The following HMGA2 variants were observed in gnomAD, a reference collection of about 807,000 sequenced individuals.
HMGA2 encodes high mobility group protein HMGI-C.
Under a neutral mutation model 19.1 loss-of-function variants are expected in HMGA2, and 8 were observed. That is an observed-to-expected ratio of 0.42 (90% CI 0.25 to 0.76). The LOEUF is 0.76. Among genes scored for constraint, HMGA2 ranks in the 30% least tolerant of loss-of-function variants. The probability of loss-of-function intolerance (pLI) is 0.28; values close to 1 mark genes in which losing one functional copy is unlikely to be tolerated. For missense variants in HMGA2, 109 were observed against 136.3 expected, an observed-to-expected ratio of 0.80 and a Z score of 1.00; for synonymous variants, 60 against 48.8, an observed-to-expected ratio of 1.23 and a Z score of -0.96.
chr12:65,851,285 A>C (rs1476740871), intron 3 of HMGA2: 1 of 156,142 alleles, frequency 6.4e-6, no homozygotes, highest in Non-Finnish European at 1.4e-5. Context: ...AGGCCGAGGC[A>C]GGTCAATCAC....
chr12:65,915,447 G>A (rs1472989750), intron 3 of HMGA2: 36 of 1,252,424 alleles, frequency 2.9e-5, no homozygotes, highest in East Asian at 7.2e-5. Flanking sequence ...AGTTACTCTC[G>A]TACAGGGATC....
At chr12:65,920,571 A>G (rs2121239733) in intron 3 of HMGA2, among the ~76,000 whole-genome samples, 1 of 152,286 alleles carries the variant, frequency 6.6e-6, no homozygotes, top group Middle Eastern at 3.4e-3. Context: ...TAACTGAATC[A>G]TGGGGGCCAG....
At chr12:65,854,663 A>G (rs989896270) in intron 3 of HMGA2, among the ~76,000 whole-genome samples, 4 of 152,200 alleles carry the variant, frequency 2.6e-5, no homozygotes, top group African/African-American at 9.7e-5. Flanking sequence ...TGCTGCATCT[A>G]TCAACCCATC....
chr12:65,937,242 C>T (rs1875928839), intron 3 of HMGA2, among the ~76,000 whole-genome samples: 1 of 152,164 alleles, frequency 6.6e-6, no homozygotes, highest in African/African-American at 2.4e-5. Context: ...GAGCCAGGGA[C>T]TTGAATACCA....
chr12:65,898,998 C>T lies in HMGA2; in HGVS notation c.250-52385C>T, dbSNP rs960692038. Among the ~76,000 whole-genome samples the T allele has an allele frequency of 3.8e-5, 5 of 131,708 alleles. No individual in the cohort carries two copies. In the South Asian group the frequency reaches 1.3e-3, roughly 33 times the overall value. 86.4% of individuals were successfully genotyped at this position (131,708 alleles called of 152,430 possible). On this transcript the variant is annotated intron_variant, in intron 3 of 4. Transcript: ENST00000403681. Reference sequence around the variant, plus strand: ...GGCTGAGCTTGCAGTAAGCGGAGATCGTGCCACGGCACTCCAGCCTGGGCA... The same window carrying T: ...GGCTGAGCTTGCAGTAAGCGGAGATTGTGCCACGGCACTCCAGCCTGGGCA...
At chr12:65,929,228 C>T (rs1424869904) in intron 3 of HMGA2, among the ~76,000 whole-genome samples, 1 of 152,070 alleles carries the variant, frequency 6.6e-6, no homozygotes, top group Non-Finnish European at 1.5e-5. Flanking sequence ...AAGACTTCCT[C>T]ATGTTTTCCA....
At chr12:65,901,963 C>T (rs1874390114) in intron 3 of HMGA2, among the ~76,000 whole-genome samples, 1 of 152,122 alleles carries the variant, frequency 6.6e-6, no homozygotes, top group Admixed American at 6.5e-5. Flanking sequence ...ATGTGAGAAC[C>T]ATAGGAATGT....
In HMGA2 at chr12:65,893,590, G is replaced by T. The variant is rs192964495; in HGVS notation, c.249+55021G>T. ...TTTGCAAACATTGTAGGGTTTCAGAGGTAGCGGCTGGTGAGAACCCTCTTG... is the reference window on the plus strand; with the variant it reads ...TTTGCAAACATTGTAGGGTTTCAGATGTAGCGGCTGGTGAGAACCCTCTTG... On this transcript the variant is annotated intron_variant, in intron 3 of 4. Coordinates refer to ENST00000403681, the MANE Select transcript of HMGA2 (RefSeq NM_003483.6). 1.8e-4 allele frequency among the ~76,000 whole-genome samples: 28 copies of T among 152,290 alleles called. 1 individual carries two copies. Among genetic ancestry groups the T allele is most frequent in the South Asian group, 1.2e-3 (6 of 4,828 alleles).
At chr12:65,886,464 A>C (rs1565721598) in intron 3 of HMGA2, among the ~76,000 whole-genome samples, 1 of 150,970 alleles carries the variant, frequency 6.6e-6, no homozygotes, top group Non-Finnish European at 1.5e-5. Context: ...GGTTCAAGCG[A>C]TTCTCCTGCC....
intron 3 of HMGA2, among the ~76,000 whole-genome samples, chr12:65,879,632 A>G (rs1873255157): frequency 6.6e-6 from 1 of 152,234 alleles, no homozygotes; most frequent in Non-Finnish European, 1.5e-5. Context: ...CTTCATTTGC[A>G]TGAACACAAA....
intron 3 of HMGA2, among the ~76,000 whole-genome samples, chr12:65,846,734 A>G (rs1459781418): frequency 2.6e-5 from 4 of 152,050 alleles, no homozygotes; most frequent in Non-Finnish European, 4.4e-5. Context: ...TGATTTTCCC[A>G]TTTGTCTAAA....
chr12:65,874,904 A>AT (rs1269396024), intron 3 of HMGA2, among the ~76,000 whole-genome samples: 2 of 152,130 alleles, frequency 1.3e-5, no homozygotes, highest in African/African-American at 4.8e-5. Flanking sequence ...CTTTCTACAG[A>AT]TTTTTCCAGA....
At chr12:65,851,060 G>A (rs1185306845) in intron 3 of HMGA2, among the ~76,000 whole-genome samples, 1 of 152,012 alleles carries the variant, frequency 6.6e-6, no homozygotes, top group East Asian at 1.9e-4. Flanking sequence ...ACGTACTTTG[G>A]GTCTTAACAT....
intron 3 of HMGA2, among the ~76,000 whole-genome samples, chr12:65,879,370 C>G (rs1873235744): frequency 6.6e-6 from 1 of 151,964 alleles, no homozygotes; most frequent in South Asian, 2.1e-4. Flanking sequence ...CTCAAGCAAT[C>G]CACCCACCTT....
At chr12:65,954,501 T>G (rs1384119963) in intron 4 of HMGA2, 2 of 152,214 alleles carry the variant, frequency 1.3e-5, no homozygotes, top group Non-Finnish European at 2.9e-5. Flanking sequence ...TGCTGAAGTC[T>G]CCTCAGAACT....
intron 4 of HMGA2, chr12:65,957,144 T>G (rs1218784639): frequency 6.6e-6 from 1 of 152,194 alleles, no homozygotes; most frequent in Admixed American, 6.5e-5. Context: ...AATCCACAAA[T>G]ATTCTGTTCC....
chr12:65,832,499 T>C (rs1870522230), intron 2 of HMGA2, among the ~76,000 whole-genome samples: 1 of 151,994 alleles, frequency 6.6e-6, no homozygotes, highest in Non-Finnish European at 1.5e-5. Context: ...TCTATTGCAT[T>C]TCAGTTCTTT....
intron 3 of HMGA2, chr12:65,859,996 G>C (rs1871967158): frequency 2.2e-6 from 1 of 447,518 alleles, no homozygotes; most frequent in African/African-American, 2.0e-5. Context: ...GGGAGGCTGA[G>C]GTGGGAAAAT....
At chr12:65,915,527 A>T in intron 3 of HMGA2, 1 of 1,170,024 alleles carries the variant, frequency 8.5e-7, no homozygotes, top group Non-Finnish European at 1.1e-6. Context: ...CTTAAAAAGT[A>T]TTCACTGTCT....
Sources: allele counts gnomAD v4.1 joint callset (sites outside exome capture counted in the v4.1 genomes callset), GRCh38; gene constraint gnomAD v4.1.1; transcripts MANE v1.5; gene names NCBI Gene and HGNC (gene_info 2026-07-23, HGNC 2026-07-21).